The following SPATA21 variants were observed in gnomAD, a reference collection of about 807,000 sequenced individuals.
The protein encoded by SPATA21 is spermatogenesis-associated protein 21.
SPATA21 carries 47 observed loss-of-function variants against 54.8 expected under a neutral mutation model. The ratio of observed to expected loss-of-function variants is 0.86; its 90% confidence interval spans 0.68 to 1.09. The LOEUF (loss-of-function observed/expected upper bound fraction) is 1.09. SPATA21 is among the 50% of genes least tolerant of loss of function. The probability of loss-of-function intolerance (pLI) is 0.00; values close to 1 mark genes in which losing one functional copy is unlikely to be tolerated. For synonymous variants in SPATA21, 245 were observed against 235.3 expected, an observed-to-expected ratio of 1.04 and a Z score of -0.38; for missense variants, 599 against 596.4, an observed-to-expected ratio of 1.00 and a Z score of -0.05.
At chr1:16,433,668 C>G (rs1001078230) in intron 1 of SPATA21, among the ~76,000 whole-genome samples, 1 of 152,226 alleles carries the variant, frequency 6.6e-6, no homozygotes, top group Non-Finnish European at 1.5e-5. Context: ...CCCAGAGGGG[C>G]TCCAGCCCCT....
At chr1:16,402,249 C>CTTTTTTTTTTTTTTTTTTTT (rs869032281) in intron 10 of SPATA21, among the ~76,000 whole-genome samples, 1 of 55,946 alleles carries the variant, frequency 1.8e-5, no homozygotes, top group Non-Finnish European at 2.9e-5. Flanking sequence ...AGCTGCCATT[C>CTTTTTTTTTTTTTTTTTTTT]TTTTTTTTTT....
chr1:16,417,130 A>C (rs955635066), intron 5 of SPATA21, among the ~76,000 whole-genome samples: 1 of 152,160 alleles, frequency 6.6e-6, no homozygotes, highest in Admixed American at 6.5e-5. Context: ...CGCTCTGTCC[A>C]TTGTATCCAA....
rs2086382108 is a variant in SPATA21 at position 16,428,677 on chromosome 1, G to A, written c.34+2661C>T. 6.6e-6 allele frequency among the ~76,000 whole-genome samples: 1 copy of A among 151,812 alleles called. No homozygotes were observed. The highest frequency in any genetic ancestry group is 2.4e-5 in the African/African-American group (1 of 41,326). ...AGGCATGAGGCACCGCACCTGGCCT[G>A]AACTGGGTTTTGATCACTATCATGG... On this transcript the variant is annotated intron_variant, in intron 3 of 12. Transcript: ENST00000335496. The surrounding 1 kb of genome is among the most constrained non-coding windows in gnomAD (Gnocchi z 4.3).
Position 16,409,751 on chromosome 1 carries a change from G to T in SPATA21, c.437C>A (p.Ala146Asp). The T allele has an allele frequency of 6.2e-7, 1 of 1,608,576 alleles. No individual in the cohort carries two copies. Among genetic ancestry groups the T allele is most frequent in the Non-Finnish European group, 8.5e-7 (1 of 1,177,874 alleles). The change falls in exon 6 of 13, where the codon GCT (alanine) becomes GAT (aspartate). Residue 146 changes from alanine to aspartate, a missense_variant. Ala to Asp is a moderately radical substitution (Grantham distance 126, BLOSUM62 -2). Transcript: ENST00000335496. The surrounding 1 kb of genome is among the most constrained non-coding windows in gnomAD (Gnocchi z 4.1). ...CATGGGGGCAGGTTCTGGCCCAGGA[G>T]CTGGCAGCCGGGCCCACGATGGGCC... is the stretch of plus-strand genomic sequence containing the variant. ...ASGPSWARLPAPGPEPAPMGA... is the reference protein window; with the variant it reads ...ASGPSWARLPDPGPEPAPMGA...
chr1:16,431,361 C>G lies in SPATA21; in HGVS notation c.11G>C (p.Arg4Thr). Residue 4 changes from arginine (R) to threonine (T), a missense_variant, in exon 3 of 13, where the codon AGA becomes ACA. Transcript: ENST00000335496. Reference protein sequence around the residue: MDNRNTQMYTEEEK... With the variant: MDNTNTQMYTEEEK... ...ACCCTCCGTGTACATCTGGGTGTTT[C>G]TATTGTCCATGATGCCAGCGCCAAC... The G allele has an allele frequency of 6.2e-7, 1 of 1,614,122 alleles. No homozygotes were observed. The highest frequency in any genetic ancestry group is 1.3e-5 in the African/African-American group (1 of 75,014).
chr1:16,398,618 C>A, downstream of SPATA21: 2 of 868,748 alleles, frequency 2.3e-6, no homozygotes, highest in South Asian at 1.6e-5. Flanking sequence ...ACTTGAGGGC[C>A]TTTCTTGGCA....
At chr1:16,424,721 A>G (rs775169136) in intron 3 of SPATA21, among the ~76,000 whole-genome samples, 3 of 151,598 alleles carry the variant, frequency 2.0e-5, no homozygotes, top group African/African-American at 7.2e-5. Context: ...GCCTCTAATC[A>G]TATCTTGCAA....
intron 3 of SPATA21, among the ~76,000 whole-genome samples, chr1:16,430,114 C>CAAA (rs1226598581): frequency 3.4e-4 from 18 of 53,160 alleles, no homozygotes; most frequent in African/African-American, 6.6e-4. Context: ...GACTCTATCT[C>CAAA]AAAAAAAAAA....
intron 3 of SPATA21, chr1:16,425,752 G>A: frequency 1.3e-6 from 2 of 1,540,688 alleles, no homozygotes. Flanking sequence ...TAGACAAAGT[G>A]ACACTTTAGC....
chr1:16,400,348 TA>T, intron 11 of SPATA21: 1 of 723,026 alleles, frequency 1.4e-6, no homozygotes, highest in Non-Finnish European at 1.7e-6. Context: ...TAAAATGGGG[TA>T]AATACATGAT....
intron 1 of SPATA21, among the ~76,000 whole-genome samples, chr1:16,434,879 A>G (rs778653015): frequency 6.6e-6 from 1 of 151,938 alleles, no homozygotes; most frequent in African/African-American, 2.4e-5. Context: ...ATTTTTTGAG[A>G]CAGGGTCTTC....
At position 16,437,384 on chromosome 1, in the gene SPATA21, AC is replaced by A. The variant is rs111697755; in HGVS notation, c.-444del. 27,186 of 152,124 alleles carry A rather than the reference AC, an allele frequency of 0.18. 4,068 individuals are homozygous for A. Among genetic ancestry groups the A allele is most frequent in the African/African-American group, 0.41 (17,034 of 41,466 alleles). The allele number at this position is 152,124 out of a possible 1,614,324, so 9.4% of individuals were successfully genotyped here. ...GCAAGGGGCTGTGTGACCTCCAACT[AC>A]TGGACAGTGTCATTTCCCCCAGCTT... On this transcript the variant is annotated 5_prime_UTR_variant, in exon 1 of 13. It introduces an in-frame stop codon into an upstream open reading frame of the 5' UTR. Transcript: ENST00000335496.
At chr1:16,416,352 T>A (rs1317850649) in intron 5 of SPATA21, among the ~76,000 whole-genome samples, 1 of 152,140 alleles carries the variant, frequency 6.6e-6, no homozygotes, top group Non-Finnish European at 1.5e-5. Flanking sequence ...CTCTCATTTC[T>A]CACTTGTAGT....
chr1:16,421,723 C>G lies in SPATA21; in HGVS notation c.96-166G>C, dbSNP rs1054772215. ...GTCCCCACATCCTCATATATACAGGCTCACGGAACCAAGAATTCTGGTATT... is the reference window on the plus strand; with the variant it reads ...GTCCCCACATCCTCATATATACAGGGTCACGGAACCAAGAATTCTGGTATT... On this transcript the variant is annotated intron_variant, in intron 4 of 12. Transcript: ENST00000335496. The surrounding 1 kb of genome is among the most constrained non-coding windows in gnomAD (Gnocchi z 5.2). Among the ~76,000 whole-genome samples, 2 of 152,108 alleles carry G rather than the reference C, an allele frequency of 1.3e-5. No homozygotes were observed. The highest frequency in any genetic ancestry group is 6.5e-5 in the Admixed American group (1 of 15,274).
intron 10 of SPATA21, 25 bp from the exon 11 acceptor site, chr1:16,400,917 T>A: frequency 6.2e-7 from 1 of 1,604,740 alleles, no homozygotes; most frequent in Non-Finnish European, 8.5e-7. Flanking sequence ...CCCACCCATC[T>A]CAGCCTGGCT....
Position 16,411,804 on chromosome 1 carries a change from A to C in SPATA21, c.145-1761T>G, listed in dbSNP as rs556614525. Reference sequence around the variant, plus strand: ...GACTCTGTCTCAAAAAAAAAAAAAAAAAAACAAAACAAAACAAAGTCTCCT... The same window carrying C: ...GACTCTGTCTCAAAAAAAAAAAAAACAAAACAAAACAAAACAAAGTCTCCT... On this transcript the variant is annotated intron_variant, in intron 5 of 12. Transcript: ENST00000335496. 9.4e-3 allele frequency among the ~76,000 whole-genome samples: 1,286 copies of C among 136,388 alleles called. 16 individuals carry two copies. The highest frequency in any genetic ancestry group is 0.054 in the Middle Eastern group (15 of 280). The allele number at this position is 136,388 out of a possible 152,430, so 89.5% of individuals were successfully genotyped here.
Position 16,421,767 on chromosome 1 carries a change from G to C in SPATA21, c.95+144C>G, listed in dbSNP as rs896263301. The C allele has an allele frequency of 4.6e-6, 6 of 1,310,638 alleles. No homozygotes were observed. In the African/African-American group the frequency reaches 7.3e-5, roughly 16 times the overall value. 81.2% of individuals were successfully genotyped at this position (1,310,638 alleles called of 1,614,324 possible). On this transcript the variant is annotated intron_variant, in intron 4 of 12. Coordinates refer to ENST00000335496, the MANE Select transcript of SPATA21 (RefSeq NM_198546.1). The surrounding 1 kb of genome is among the most constrained non-coding windows in gnomAD (Gnocchi z 5.2). ...TGGTATTCCAGCCATTACACAGATG[G>C]GGAAATTGAGACCCAGCGGAGCATG... is the stretch of plus-strand genomic sequence containing the variant.
rs200188923 is a variant in SPATA21 at position 16,413,025 on chromosome 1, G to T, written c.145-2982C>A. On this transcript the variant is annotated intron_variant, in intron 5 of 12. Coordinates refer to ENST00000335496, the MANE Select transcript of SPATA21 (RefSeq NM_198546.1). ...CCTGGATCTCCTGACCTCTTGATCC[G>T]CCCGCCTTGGCCTCCCAAAGTGCTG... Among the ~76,000 whole-genome samples the T allele has an allele frequency of 2.2e-3, 330 of 151,990 alleles. 3 individuals are homozygous for T. Among genetic ancestry groups the T allele is most frequent in the African/African-American group, 7.7e-3 (318 of 41,454 alleles).
At position 16,401,798 on chromosome 1, in the gene SPATA21, C is replaced by T. The variant is rs1320652060; in HGVS notation, c.1002-906G>A. On this transcript the variant is annotated intron_variant, in intron 10 of 12. Coordinates refer to ENST00000335496, the MANE Select transcript of SPATA21 (RefSeq NM_198546.1). ...GCAACCTGTAGTTACCCAATTATAG[C>T]CCGCAACCCACTTGATTTTCTTAAC... 5.3e-5 allele frequency among the ~76,000 whole-genome samples: 8 copies of T among 152,302 alleles called. No individual in the cohort carries two copies. The East Asian group carries it at 9.6e-4, about 18-fold the overall frequency.
Sources: gnomAD v4.1 joint callset for allele counts (sites outside exome capture counted in the v4.1 genomes callset) on GRCh38, gnomAD v4.1.1 for gene constraint, Gnocchi (gnomAD v3.1) non-coding constraint, MANE v1.5 for transcripts, NCBI Gene and HGNC (gene_info 2026-07-23, HGNC 2026-07-21) for gene names.